SHMT1: variants seen among roughly 807,000 people sequenced by gnomAD.
The protein encoded by SHMT1 is serine hydroxymethyltransferase 1, also known as serine hydroxymethyltransferase, cytosolic.
SHMT1 carries 45 observed loss-of-function variants against 49.0 expected under a neutral mutation model. The observed-to-expected ratio is 0.92, with a 90% CI of 0.72 to 1.18. The LOEUF is 1.18. Among genes scored for constraint, SHMT1 ranks in the 50% most tolerant of loss-of-function variants. The probability of loss-of-function intolerance (pLI) is 0.00; values close to 1 mark genes in which losing one functional copy is unlikely to be tolerated. For synonymous variants in SHMT1, 232 were observed against 246.6 expected (o/e 0.94, Z 0.55); for missense variants, 541 against 612.4 (o/e 0.88, Z 1.23).
chr17:18,345,406 C>T (rs140764346), intron 5 of SHMT1, among the ~76,000 whole-genome samples: 3,666 of 151,764 alleles, frequency 0.024, 167 homozygotes, highest in African/African-American at 0.084. Flanking sequence ...TACAGGTGCC[C>T]GCCACCACGT....
At chr17:18,350,001 C>T (rs1179164896) in intron 3 of SHMT1, among the ~76,000 whole-genome samples, 1 of 142,454 alleles carries the variant, frequency 7.0e-6, no homozygotes, top group African/African-American at 2.7e-5. Flanking sequence ...CCCTGGGCAA[C>T]AAGAGCAAAA....
intron 8 of SHMT1, chr17:18,333,572 T>A (rs1983474036): frequency 6.3e-6 from 1 of 159,490 alleles, no homozygotes; most frequent in Admixed American, 6.5e-5. Context: ...TTCAAGTGAT[T>A]CTTCTGCTTC....
At chr17:18,353,309 TAC>T (rs1213886479) in intron 3 of SHMT1, among the ~76,000 whole-genome samples, 6 of 152,284 alleles carry the variant, frequency 3.9e-5, no homozygotes, top group African/African-American at 1.4e-4. Flanking sequence ...CCATTCCCAA[TAC>T]AGACTCGATG....
Position 18,340,698 on chromosome 17 carries a change from G to A in SHMT1, c.601+34C>T, listed in dbSNP as rs1443930939. 1 of 1,581,390 alleles carries A rather than the reference G, an allele frequency of 6.3e-7. No individual in the cohort carries two copies. Among genetic ancestry groups the A allele is most frequent in the African/African-American group, 1.3e-5 (1 of 74,160 alleles). ...ATTCTGTAAGAGGCACCAGGCTACT[G>A]GTGAACAAGGTGACTTTCCGCCCCG... On this transcript the variant is annotated intron_variant, in intron 6 of 11. Coordinates refer to ENST00000316694, the MANE Select transcript of SHMT1 (RefSeq NM_004169.5). The surrounding 1 kb of genome is among the most constrained non-coding windows in gnomAD (Gnocchi z 4.5).
chr17:18,340,443 C>A lies in SHMT1; in HGVS notation c.602-188G>T, dbSNP rs1984370661. ...AAAGGCAACCACTCTAACTCTTCAACGTCTTGGTGGTTGAGATGGCCCCAA... is the reference window on the plus strand; with the variant it reads ...AAAGGCAACCACTCTAACTCTTCAAAGTCTTGGTGGTTGAGATGGCCCCAA... On this transcript the variant is annotated intron_variant, in intron 6 of 11. Transcript: ENST00000316694. This position sits in a 1 kb window ranked among gnomAD's most constrained non-coding sequence, Gnocchi z 4.5. 1 of 706,464 alleles carries A rather than the reference C, an allele frequency of 1.4e-6. No homozygotes were observed. Among genetic ancestry groups the A allele is most frequent in the Non-Finnish European group, 2.5e-6 (1 of 406,268 alleles). 43.8% of individuals were successfully genotyped at this position (706,464 alleles called of 1,614,324 possible).
intron 4 of SHMT1, 24 bp from the exon 5 acceptor site, chr17:18,347,680 A>G: frequency 6.2e-7 from 1 of 1,613,854 alleles, no homozygotes; most frequent in Non-Finnish European, 8.5e-7. Flanking sequence ...ACCAGAGGAG[A>G]CATGATTATT....
rs1444599265 is a variant in SHMT1, at chr17:18,330,789, C to T, written c.1055-118G>A. On this transcript the variant is annotated intron_variant, in intron 9 of 11. Transcript: ENST00000316694. Reference sequence around the variant, plus strand: ...GCAGATGAGGTCAGGAAGGTGAGCACCCCCACCACATGGCCTGGGATTCTA... The same window carrying T: ...GCAGATGAGGTCAGGAAGGTGAGCATCCCCACCACATGGCCTGGGATTCTA... 3 of 734,930 alleles carry T rather than the reference C, an allele frequency of 4.1e-6. No homozygotes were observed. In the African/African-American group the frequency reaches 5.2e-5, roughly 13 times the overall value. The allele number at this position is 734,930 out of a possible 1,614,324, so 45.5% of individuals were successfully genotyped here.
At chr17:18,329,447 C>T (rs1982940957) in intron 10 of SHMT1, 59 bp from the exon 11 acceptor site, 1 of 1,374,986 alleles carries the variant, frequency 7.3e-7, no homozygotes, top group African/African-American at 1.4e-5. Flanking sequence ...GATGGTGGTG[C>T]ATTTAAAAAG....
chr17:18,347,029 C>T (rs933879724), intron 5 of SHMT1, among the ~76,000 whole-genome samples: 10 of 152,186 alleles, frequency 6.6e-5, no homozygotes, highest in African/African-American at 1.9e-4. Flanking sequence ...TGGATGGTGC[C>T]GGGCTGCTGG....
intron 11 of SHMT1, 93 bp downstream of exon 11, chr17:18,329,185 T>C (rs182894004): frequency 2.0e-4 from 201 of 986,036 alleles, no homozygotes; most frequent in Non-Finnish European, 3.1e-4. Flanking sequence ...TGGTGCAGAA[T>C]TGTCTTTCAG....
intron 7 of SHMT1, among the ~76,000 whole-genome samples, chr17:18,337,719 G>C (rs986807572): frequency 6.6e-6 from 1 of 152,164 alleles, no homozygotes; most frequent in Non-Finnish European, 1.5e-5. Context: ...TTGCAGGCAC[G>C]TGCCGCCACG....
intron 7 of SHMT1, among the ~76,000 whole-genome samples, chr17:18,338,963 T>C (rs1984163534): frequency 2.0e-5 from 3 of 151,114 alleles, no homozygotes; most frequent in Non-Finnish European, 4.4e-5. Flanking sequence ...TTCACTTGTT[T>C]ATCTGCTGAC....
At chr17:18,333,981 G>T (rs1983524085) in intron 8 of SHMT1, among the ~76,000 whole-genome samples, 1 of 150,654 alleles carries the variant, frequency 6.6e-6, no homozygotes, top group South Asian at 2.1e-4. Flanking sequence ...CTCTGTCGCT[G>T]AGGCTGGAGT....
intron 5 of SHMT1, among the ~76,000 whole-genome samples, chr17:18,346,363 T>C (rs1045222074): frequency 8.5e-5 from 13 of 152,214 alleles, no homozygotes; most frequent in Admixed American, 5.9e-4. Flanking sequence ...TTCTTCCCAT[T>C]ATCCTTCGTT....
At chr17:18,361,899 T>C (rs1270822209) in intron 1 of SHMT1, among the ~76,000 whole-genome samples, 3 of 152,128 alleles carry the variant, frequency 2.0e-5, no homozygotes, top group Non-Finnish European at 2.9e-5. Flanking sequence ...CATTACAACA[T>C]TGGATATTTC....
chr17:18,332,089 G>C (rs76970198), intron 9 of SHMT1: 1 of 152,148 alleles, frequency 6.6e-6, no homozygotes, highest in African/African-American at 2.4e-5. Context: ...CCTGCTGTGC[G>C]GCCAGGTTCC....
intron 1 of SHMT1, among the ~76,000 whole-genome samples, chr17:18,357,988 C>T (rs1304585240): frequency 6.6e-6 from 1 of 150,404 alleles, no homozygotes; most frequent in South Asian, 2.1e-4. Flanking sequence ...CTCAGCCTCC[C>T]AAGTAGCCAG....
chr17:18,356,574 C>A (rs576202803), intron 1 of SHMT1, among the ~76,000 whole-genome samples: 1 of 152,100 alleles, frequency 6.6e-6, no homozygotes, highest in Admixed American at 6.6e-5. Flanking sequence ...CTCAAGTGAT[C>A]CGCCTGCCTC....
chr17:18,346,538 G>A (rs1487769038), intron 5 of SHMT1, among the ~76,000 whole-genome samples: 1 of 152,174 alleles, frequency 6.6e-6, no homozygotes, highest in African/African-American at 2.4e-5. Flanking sequence ...TGGTTCCACT[G>A]CTGGGCTGGC....
Sources: gnomAD v4.1 joint callset for allele counts (sites outside exome capture counted in the v4.1 genomes callset) on GRCh38, gnomAD v4.1.1 for gene constraint, Gnocchi (gnomAD v3.1) non-coding constraint, MANE v1.5 for transcripts, NCBI Gene and HGNC (gene_info 2026-07-23, HGNC 2026-07-21) for gene names.